The following PM20D2 variants were observed in gnomAD, a reference collection of about 807,000 sequenced individuals.
PM20D2 encodes peptidase M20 domain containing 2.
PM20D2 carries 33 observed loss-of-function variants against 42.9 expected under a neutral mutation model. The observed-to-expected ratio is 0.77, with a 90% confidence interval of 0.58 to 1.03. PM20D2 has a LOEUF of 1.03. Ranked by LOEUF, PM20D2 falls within the 50% of genes least tolerant of loss-of-function variation. The pLI, the probability that PM20D2 is intolerant of heterozygous loss-of-function variation, is 0.00. For missense variants in PM20D2, 548 were observed against 557.0 expected (o/e 0.98, Z 0.16); for synonymous variants, 250 against 228.2 (o/e 1.10, Z -0.86).
At chr6:89,143,838 G>A (rs1022758634), upstream of PM20D2, among the ~76,000 whole-genome samples, 26 of 152,288 alleles carry the variant, frequency 1.7e-4, no homozygotes, top group Admixed American at 5.9e-4. Context: ...AGAAGTCTAG[G>A]AAGAAGCATA....
At position 89,162,141 on chromosome 6, in the gene PM20D2, A is replaced by C. The variant is rs368868585; in HGVS notation, c.1189A>C (p.Thr397Pro). The C allele has an allele frequency of 6.2e-7, 1 of 1,614,158 alleles. No individual in the cohort carries two copies. Among genetic ancestry groups the C allele is most frequent in the Admixed American group, 1.7e-5 (1 of 60,016 alleles). The change falls in exon 7 of 7, where the codon ACG becomes CCG. Residue 397 changes from threonine to proline, a missense_variant. By Grantham distance (38) the Thr-to-Pro change is conservative (BLOSUM62 -1). Around this residue, in one of 3 missense-constraint regions of PM20D2, gnomAD observed 71 missense variants for 69.7 expected, o/e 1.02. Transcript: ENST00000275072. ...GGAAGCTCAGTTCTACACTCTGCGG[A>C]CGGCCAAAGCTCTGGCAATGACGGC... is the stretch of plus-strand genomic sequence containing the variant. The part of the protein sequence containing the change: ...SQEAQFYTLR[T>P]AKALAMTALD...
chr6:89,125,305 T>G, the PM20D2 span, among the ~76,000 whole-genome samples: 1 of 151,862 alleles, frequency 6.6e-6, no homozygotes, highest in African/African-American at 2.4e-5. Context: ...ACGGTGAAAC[T>G]CCGTCTCTAC....
the PM20D2 span, among the ~76,000 whole-genome samples, chr6:89,106,238 A>G: frequency 6.6e-6 from 1 of 151,914 alleles, no homozygotes; most frequent in Non-Finnish European, 1.5e-5. Context: ...TCAGCCTTCC[A>G]AGTAGCTGGG....
In PM20D2 at chr6:89,146,527, T is replaced by C. The variant is rs1257943082; in HGVS notation, c.383T>C (p.Leu128Pro). The change falls in exon 1 of 7, where the codon CTC becomes CCC. Residue 128 changes from leucine (L) to proline (P), a missense_variant. Physicochemically the swap from Leu to Pro is moderately conservative, Grantham distance 98. This residue lies in a region of PM20D2 where 470 missense variants were observed against 464.4 expected (regional missense o/e 1.01). Transcript: ENST00000275072. ...PGIGHACGHN[L>P]IAEVGAAAAL... is the part of the protein sequence containing the mutation. ...ATCGGCCACGCCTGCGGCCACAACC[T>C]CATCGCTGAGGTCGGGGCGGCGGCC... The C allele has an allele frequency of 1.3e-6, 2 of 1,511,070 alleles. No homozygotes were observed. The highest frequency in any genetic ancestry group is 1.8e-6 in the Non-Finnish European group (2 of 1,137,086). 93.6% of individuals were successfully genotyped at this position (1,511,070 alleles called of 1,614,324 possible). A position where few individuals can be genotyped will look rare whatever the true frequency, so the allele number is the denominator to read the frequency against.
the PM20D2 span, chr6:89,117,705 C>T: frequency 2.9e-6 from 3 of 1,049,012 alleles, no homozygotes; most frequent in Non-Finnish European, 2.6e-6. Flanking sequence ...CAGCCTGGGC[C>T]CGCGGGGAGG....
chr6:89,117,719 C>A, the PM20D2 span: 1 of 1,183,640 alleles, frequency 8.4e-7, no homozygotes, highest in Non-Finnish European at 1.1e-6. Context: ...GGGGAGGCTC[C>A]GCGCAGCTCC....
Position 89,146,597 on chromosome 6 carries a change from T to A in PM20D2, c.453T>A (p.Pro151=), listed in dbSNP as rs2127772935. The change falls in exon 1 of 7, where the codon CCT becomes CCA. Residue 151 remains proline (P), a synonymous_variant. Transcript: ENST00000275072. The stretch of plus-strand genomic sequence containing the variant: ...CCTTAGAGGGCCTCCCCAGGCCGCC[T>A]CCGCCCGTGAAGGTGAGGTGGGGCC... The part of the protein sequence containing the change: ...RGALEGLPRP[P]PPVKVVVLGT... 1 of 1,448,510 alleles carries A rather than the reference T, an allele frequency of 6.9e-7. No homozygotes were observed. Among genetic ancestry groups the A allele is most frequent in the East Asian group, 2.8e-5 (1 of 35,500 alleles). 89.7% of individuals were successfully genotyped at this position (1,448,510 alleles called of 1,614,324 possible).
Position 89,146,571 on chromosome 6 carries a change from G to T in PM20D2, c.427G>T (p.Ala143Ser), listed in dbSNP as rs1408647778. 2.0e-5 allele frequency: 29 copies of T among 1,481,872 alleles called. No homozygotes were observed. Among genetic ancestry groups the T allele is most frequent in the Non-Finnish European group, 2.6e-5 (29 of 1,122,860 alleles). 91.8% of individuals were successfully genotyped at this position (1,481,872 alleles called of 1,614,324 possible). The change falls in exon 1 of 7, where the codon GCC becomes TCC. Residue 143 changes from alanine to serine, a missense_variant. By Grantham distance (99) the Ala-to-Ser change is moderately conservative. This residue lies in a region of PM20D2 where 470 missense variants were observed against 464.4 expected (regional missense o/e 1.01). Transcript: ENST00000275072. ...GAAAALGVRG[A>S]LEGLPRPPPP... ...GGCGGCCGCGCTGGGCGTGAGGGGGGCCTTAGAGGGCCTCCCCAGGCCGCC... is the reference window on the plus strand; with the variant it reads ...GGCGGCCGCGCTGGGCGTGAGGGGGTCCTTAGAGGGCCTCCCCAGGCCGCC...
chr6:89,146,863 C>T (rs1285459680), intron 1 of PM20D2, among the ~76,000 whole-genome samples: 2 of 152,256 alleles, frequency 1.3e-5, no homozygotes, highest in Non-Finnish European at 2.9e-5. Flanking sequence ...TTATAAACAG[C>T]TCTGCTGAGT....
upstream of PM20D2, among the ~76,000 whole-genome samples, chr6:89,141,515 G>A (rs4707519): frequency 0.27 from 40,533 of 151,806 alleles, 5,519 homozygotes; most frequent in Admixed American, 0.32. Flanking sequence ...ACAGGCGCCC[G>A]CCCCAACACC....
intron 5 of PM20D2, 77 bp from the exon 6 acceptor site, chr6:89,161,706 G>A (rs1771243766): frequency 1.6e-5 from 18 of 1,112,406 alleles, no homozygotes; most frequent in Non-Finnish European, 2.3e-5. Flanking sequence ...CTTCTAACAG[G>A]GACTGTGACT....
chr6:89,116,025 T>C, the PM20D2 span, among the ~76,000 whole-genome samples: 1 of 152,218 alleles, frequency 6.6e-6, no homozygotes, highest in East Asian at 1.9e-4. Context: ...TCTTTACAAC[T>C]AGTAAGATAT....
At position 89,146,490 on chromosome 6, in the gene PM20D2, G is replaced by C; in HGVS notation, c.346G>C (p.Ala116Pro). Residue 116 changes from alanine (A) to proline (P), a missense_variant, in exon 1 of 7, where the codon GCG becomes CCG. Transcript: ENST00000275072. The stretch of plus-strand genomic sequence containing the variant: ...CCTGGGCTTCCTCTGCGAGTACGAC[G>C]CGCTGCCCGGCATCGGCCACGCCTG... ...LHLGFLCEYD[A>P]LPGIGHACGH... The C allele has an allele frequency of 6.6e-7, 1 of 1,523,760 alleles. No homozygotes were observed. The highest frequency in any genetic ancestry group is 2.5e-5 in the East Asian group (1 of 39,704). The allele number at this position is 1,523,760 out of a possible 1,614,324, so 94.4% of individuals were successfully genotyped here.
At chr6:89,105,126 G>A in the PM20D2 span, 5 of 1,611,506 alleles carry the variant, frequency 3.1e-6, no homozygotes, top group African/African-American at 6.7e-5. Context: ...CACTCTTTAA[G>A]GCTGTCTGAC....
In PM20D2 at chr6:89,164,680, AC is replaced by A. The variant is rs909525687; in HGVS notation, c.*2418del. Reference sequence around the variant, plus strand: ...CTTTAGCACACTAAAGCAGTATTAAACACAGGTACAAGTTGGAAATTGTAGA... The same window carrying A: ...CTTTAGCACACTAAAGCAGTATTAAAACAGGTACAAGTTGGAAATTGTAGA... On this transcript the variant is annotated 3_prime_UTR_variant, in exon 7 of 7. Coordinates refer to ENST00000275072, the MANE Select transcript of PM20D2 (RefSeq NM_001010853.3). The A allele has an allele frequency of 5.4e-4, 83 of 152,656 alleles. No individual in the cohort carries two copies. The highest frequency in any genetic ancestry group is 2.0e-3 in the African/African-American group (83 of 41,566). 9.5% of individuals were successfully genotyped at this position (152,656 alleles called of 1,614,324 possible).
chr6:89,156,421 C>G (rs1771051098), intron 4 of PM20D2, among the ~76,000 whole-genome samples: 1 of 152,168 alleles, frequency 6.6e-6, no homozygotes, highest in Admixed American at 6.5e-5. Flanking sequence ...AACAATTTAT[C>G]TTAGGATTCT....
chr6:89,159,083 T>C (rs1193341894), intron 5 of PM20D2, among the ~76,000 whole-genome samples: 3 of 152,158 alleles, frequency 2.0e-5, no homozygotes, highest in Non-Finnish European at 4.4e-5. Flanking sequence ...TGTTATAAAT[T>C]ATTAGTATGT....
intron 2 of PM20D2, among the ~76,000 whole-genome samples, chr6:89,150,531 CTTTTTTTTTTTT>C (rs753768538): frequency 1.3e-4 from 8 of 59,394 alleles, no homozygotes; most frequent in Admixed American, 2.3e-4. Context: ...CTGATCATCT[CTTTTTTTTTTTT>C]TTTTTTTTTT....
At chr6:89,103,979 TTTA>T in the PM20D2 span, among the ~76,000 whole-genome samples, 1 of 145,132 alleles carries the variant, frequency 6.9e-6, no homozygotes, top group East Asian at 2.0e-4. Flanking sequence ...CACAAGGGAT[TTTA>T]TTATATTTCT....
Sources: gnomAD v4.1 joint callset for allele counts (sites outside exome capture counted in the v4.1 genomes callset) on GRCh38, gnomAD v4.1.1 for gene constraint, gnomAD v4.1.1 regional missense constraint, MANE v1.5 for transcripts, NCBI Gene and HGNC (gene_info 2026-07-23, HGNC 2026-07-21) for gene names.